Variants in MIR2052HG observed in about 807,000 individuals in gnomAD.
The protein encoded by MIR2052HG is MIR2052 host gene.
chr8:74,659,126 T>C (rs919255411), intron 2 of MIR2052HG, among the ~76,000 whole-genome samples: 17 of 152,194 alleles, frequency 1.1e-4, no homozygotes, highest in African/African-American at 4.1e-4. Flanking sequence ...TCTATCCAAA[T>C]TTGAATGTTT....
chr8:74,677,317 T>C (rs1213665244), intron 2 of MIR2052HG, among the ~76,000 whole-genome samples: 1 of 152,040 alleles, frequency 6.6e-6, no homozygotes, highest in Admixed American at 6.6e-5. Flanking sequence ...TTGAACATCA[T>C]AATTAATATG....
intron 2 of MIR2052HG, among the ~76,000 whole-genome samples, chr8:74,692,456 G>A (rs571394419): frequency 1.3e-5 from 2 of 152,314 alleles, no homozygotes; most frequent in African/African-American, 2.4e-5. Flanking sequence ...TGTCACTGGT[G>A]AGGAACACTA....
intron 1 of MIR2052HG, among the ~76,000 whole-genome samples, chr8:74,607,777 T>C (rs1465572210): frequency 2.0e-5 from 3 of 152,140 alleles, no homozygotes; most frequent in African/African-American, 7.2e-5. Context: ...AAGAGCAAAG[T>C]CTGGTATAAA....
chr8:74,619,544 A>G (rs536757712), intron 2 of MIR2052HG, among the ~76,000 whole-genome samples: 96 of 152,312 alleles, frequency 6.3e-4, no homozygotes, highest in Admixed American at 1.3e-3. Flanking sequence ...GAAACTTACA[A>G]TCATGGTGGA....
chr8:74,662,201 T>G (rs1169813391), intron 2 of MIR2052HG, among the ~76,000 whole-genome samples: 1 of 152,198 alleles, frequency 6.6e-6, no homozygotes, highest in East Asian at 1.9e-4. Flanking sequence ...GCTTTTTCAA[T>G]GGTCAGAAGT....
chr8:74,710,802 A>T (rs1338879689), intron 4 of MIR2052HG, among the ~76,000 whole-genome samples: 1 of 152,054 alleles, frequency 6.6e-6, no homozygotes, highest in Non-Finnish European at 1.5e-5. Flanking sequence ...TACTTAGGAG[A>T]TTTGTTTACT....
intron 4 of MIR2052HG, among the ~76,000 whole-genome samples, chr8:74,710,789 A>G (rs926294799): frequency 3.9e-5 from 6 of 152,146 alleles, no homozygotes; most frequent in Admixed American, 1.3e-4. Context: ...ACCAGATTTC[A>G]TTTACTTAGG....
At chr8:74,646,572 A>G (rs1808691403) in intron 2 of MIR2052HG, among the ~76,000 whole-genome samples, 1 of 152,178 alleles carries the variant, frequency 6.6e-6, no homozygotes, top group Admixed American at 6.5e-5. Flanking sequence ...TGTGGGAGAA[A>G]CAAAAAGATA....
chr8:74,662,456 G>A (rs1808875713), intron 2 of MIR2052HG, among the ~76,000 whole-genome samples: 1 of 151,960 alleles, frequency 6.6e-6, no homozygotes, highest in Admixed American at 6.6e-5. Flanking sequence ...GCAAGGGGAG[G>A]GAGAGCATTA....
At chr8:74,699,250 A>G (rs544835192) in intron 2 of MIR2052HG, among the ~76,000 whole-genome samples, 39 of 152,288 alleles carry the variant, frequency 2.6e-4, no homozygotes, top group South Asian at 1.5e-3. Context: ...CAGCAATCTC[A>G]ATACTGGGTA....
chr8:74,603,550 G>T (rs1457557649), intron 1 of MIR2052HG: 2 of 1,518,074 alleles, frequency 1.3e-6, no homozygotes, highest in Non-Finnish European at 1.8e-6. Context: ...ATCCAAACCT[G>T]CACTGAATCC....
chr8:74,725,255 T>C (rs533608142), intron 4 of MIR2052HG, among the ~76,000 whole-genome samples: 3 of 152,342 alleles, frequency 2.0e-5, no homozygotes, highest in Admixed American at 2.0e-4. Context: ...CATGGGACTT[T>C]TGTCCTGTGT....
chr8:74,730,661 C>G (rs537656763), intron 4 of MIR2052HG, among the ~76,000 whole-genome samples: 1 of 152,186 alleles, frequency 6.6e-6, no homozygotes, highest in East Asian at 1.9e-4. Flanking sequence ...TTTTGGAAGG[C>G]AACTTAATGT....
chr8:74,603,825 G>T, intron 1 of MIR2052HG: 1 of 846,374 alleles, frequency 1.2e-6, no homozygotes, highest in Non-Finnish European at 2.1e-6. Flanking sequence ...GCTCAGTTGA[G>T]TTGGGTAGCA....
rs964957787 is a variant in MIR2052HG at position 74,713,439 on chromosome 8, CT to C, written n.371+9764del. On this transcript the variant is annotated intron_variant and non_coding_transcript_variant, in intron 4 of 6. Coordinates refer to ENST00000523442, the Ensembl canonical transcript of MIR2052HG. ...CTCTTATTTTATTCAAAATCCGCAC[CT>C]TTTTTTCATGACCTATAAGCACTTA... Among the ~76,000 whole-genome samples the C allele has an allele frequency of 2.6e-5, 4 of 152,106 alleles. No individual in the cohort carries two copies. The South Asian group carries it at 6.2e-4, about 24-fold the overall frequency.
intron 1 of MIR2052HG, among the ~76,000 whole-genome samples, chr8:74,605,986 C>T (rs1289379108): frequency 3.3e-5 from 5 of 151,984 alleles, no homozygotes; most frequent in African/African-American, 7.3e-5. Context: ...TCTCTGGCCC[C>T]GAAGAAGGGG....
chr8:74,655,247 A>G (rs1808792573), intron 2 of MIR2052HG, among the ~76,000 whole-genome samples: 1 of 152,166 alleles, frequency 6.6e-6, no homozygotes, highest in Non-Finnish European at 1.5e-5. Flanking sequence ...TTTTTTGAGG[A>G]GAAAATCAAG....
chr8:74,606,742 A>G (rs1156275727), intron 1 of MIR2052HG, among the ~76,000 whole-genome samples: 2 of 152,312 alleles, frequency 1.3e-5, no homozygotes, highest in East Asian at 1.9e-4. Flanking sequence ...ACTAGGTTTG[A>G]TACCTGGGTG....
At chr8:74,609,351 A>G (rs966599328) in intron 1 of MIR2052HG, among the ~76,000 whole-genome samples, 11 of 152,000 alleles carry the variant, frequency 7.2e-5, no homozygotes, top group African/African-American at 2.4e-4. Context: ...TTCGCTAGGG[A>G]ATTCTATCAA....
Sources: gnomAD v4.1 joint callset for allele counts (sites outside exome capture counted in the v4.1 genomes callset) on GRCh38, gnomAD v4.1.1 for gene constraint, MANE v1.5 for transcripts, NCBI Gene and HGNC (gene_info 2026-07-23, HGNC 2026-07-21) for gene names.